The following SERPINB12 variants were observed in gnomAD, a reference collection of about 807,000 sequenced individuals.
SERPINB12 encodes serpin family B member 12.
In SERPINB12, 57 loss-of-function variants were observed where a neutral mutation model predicts 41.1. The ratio of observed to expected loss-of-function variants is 1.39; its 90% CI spans 1.12 to 1.73. SERPINB12 has a LOEUF of 1.73. Among genes scored for constraint, SERPINB12 ranks in the 40% most tolerant of loss-of-function variants. SERPINB12 has a pLI of 0.00. For synonymous variants in SERPINB12, 180 were observed against 181.3 expected, an observed-to-expected ratio of 0.99 and a Z score of 0.06; for missense variants, 536 against 501.9, an observed-to-expected ratio of 1.07 and a Z score of -0.65.
At chr18:63,521,424 G>A in the SERPINB12 span, among the ~76,000 whole-genome samples, 9 of 152,326 alleles carry the variant, frequency 5.9e-5, no homozygotes, top group South Asian at 1.9e-3. Flanking sequence ...CTGGTGACTA[G>A]GAGTCCGGGT....
rs562775384 is a variant in SERPINB12, at chr18:63,542,481, A to C, written c.-30A>C. On this transcript the variant is annotated 5_prime_UTR_variant, in exon 1 of 8. Coordinates refer to ENST00000382768, the MANE Select transcript of SERPINB12 (RefSeq NM_001307928.2). ...CAGACCTTAGCTGGGGACAGCCCTC[A>C]CTGGCTTCCAGGTATGTGCTGGGAG... Among the ~76,000 whole-genome samples, 1 of 152,108 alleles carries C rather than the reference A, an allele frequency of 6.6e-6. No individual in the cohort carries two copies. Among genetic ancestry groups the C allele is most frequent in the Non-Finnish European group, 1.5e-5 (1 of 68,016 alleles).
intron 1 of SERPINB12, among the ~76,000 whole-genome samples, chr18:63,554,402 G>T (rs1910609278): frequency 6.6e-6 from 1 of 152,160 alleles, no homozygotes; most frequent in African/African-American, 2.4e-5. Flanking sequence ...TTATCTTTTT[G>T]AATTAGGTTT....
At position 63,567,459 on chromosome 18, in the gene SERPINB12, GCT is replaced by G. The variant is rs1317695151; in HGVS notation, c.*451_*452del. Among the ~76,000 whole-genome samples, 3 of 152,144 alleles carry G rather than the reference GCT, an allele frequency of 2.0e-5. No homozygotes were observed. The highest frequency in any genetic ancestry group is 7.2e-5 in the African/African-American group (3 of 41,444). ...TGACCGGAACGTGTTTGGAAACTCA[GCT>G]CTGTTTCTGGGATAGTTATGATTGT... On this transcript the variant is annotated 3_prime_UTR_variant, in exon 8 of 8. Coordinates refer to ENST00000382768, the MANE Select transcript of SERPINB12 (RefSeq NM_001307928.2).
the SERPINB12 span, among the ~76,000 whole-genome samples, chr18:63,520,978 T>C: frequency 6.6e-6 from 1 of 152,182 alleles, no homozygotes; most frequent in Non-Finnish European, 1.5e-5. Context: ...TTTTTAAAGG[T>C]AAAATAAGGA....
At chr18:63,556,819 T>C (rs1026455353) in intron 2 of SERPINB12, among the ~76,000 whole-genome samples, 3 of 152,218 alleles carry the variant, frequency 2.0e-5, no homozygotes, top group Non-Finnish European at 2.9e-5. Flanking sequence ...TGGCTTTTCT[T>C]TTGAAAGATA....
chr18:63,560,914 C>T (rs1910882534), intron 4 of SERPINB12, among the ~76,000 whole-genome samples, 171 bp from the exon 5 acceptor site: 1 of 152,176 alleles, frequency 6.6e-6, no homozygotes, highest in South Asian at 2.1e-4. Context: ...ACTGAAATGT[C>T]TCTGGCTAGT....
chr18:63,544,978 T>C (rs1910352201), intron 1 of SERPINB12, among the ~76,000 whole-genome samples: 1 of 152,202 alleles, frequency 6.6e-6, no homozygotes, highest in Admixed American at 6.5e-5. Flanking sequence ...ATACTGCCTT[T>C]ATCAGTAGGG....
chr18:63,537,090 T>G, the SERPINB12 span, among the ~76,000 whole-genome samples: 47 of 152,306 alleles, frequency 3.1e-4, 1 homozygote, highest in South Asian at 7.0e-3. Context: ...TATAAAATAA[T>G]TAAATATGTT....
intron 7 of SERPINB12, 110 bp from the exon 8 acceptor site, chr18:63,566,497 C>G: frequency 1.1e-6 from 1 of 903,642 alleles, no homozygotes; most frequent in Non-Finnish European, 1.7e-6. Flanking sequence ...AGGGAAAGGT[C>G]TTGAAGGTTG....
intron 1 of SERPINB12, among the ~76,000 whole-genome samples, chr18:63,548,800 C>T (rs1910450632): frequency 6.6e-6 from 1 of 151,832 alleles, no homozygotes; most frequent in Non-Finnish European, 1.5e-5. Context: ...TTAAGAATGG[C>T]AATAATATCT....
chr18:63,567,001 G>T lies in SERPINB12; in HGVS notation c.1268G>T (p.Cys423Phe). Residue 423 changes from cysteine to phenylalanine, a missense_variant, in exon 8 of 8, where the codon TGC (cysteine) becomes TTC (phenylalanine). By Grantham distance (205) the Cys-to-Phe change is radical. Transcript: ENST00000382768. ...TQTILFYGRV[C>F]SP is the part of the protein sequence containing the mutation. ...ACCATTCTCTTTTATGGCAGGGTCT[G>T]CTCTCCTTAAAAGGGGAGCAGTGTC... 1 of 1,587,262 alleles carries T rather than the reference G, an allele frequency of 6.3e-7. No individual in the cohort carries two copies. Among genetic ancestry groups the T allele is most frequent in the Non-Finnish European group, 8.6e-7 (1 of 1,169,460 alleles).
At chr18:63,546,906 A>C (rs1337432790) in intron 1 of SERPINB12, among the ~76,000 whole-genome samples, 1 of 152,180 alleles carries the variant, frequency 6.6e-6, no homozygotes, top group Non-Finnish European at 1.5e-5. Flanking sequence ...TGTGGAGGGA[A>C]GCTTACCTGA....
chr18:63,558,011 A>G (rs544100205), intron 2 of SERPINB12, among the ~76,000 whole-genome samples: 11 of 152,298 alleles, frequency 7.2e-5, no homozygotes, highest in African/African-American at 1.9e-4. Flanking sequence ...TTATTTTTTT[A>G]TACTATATTC....
chr18:63,554,198 C>T lies in SERPINB12; in HGVS notation c.-18-1944C>T, dbSNP rs1282237494. 2.0e-5 allele frequency among the ~76,000 whole-genome samples: 3 copies of T among 152,138 alleles called. No individual in the cohort carries two copies. In the East Asian group the frequency reaches 5.8e-4, roughly 29 times the overall value. On this transcript the variant is annotated intron_variant, in intron 1 of 7. Transcript: ENST00000382768. ...TGATCACCTATCATCAGTTGAGGGG[C>T]AACTTAGAAACGATAGATACAGTAG... is the stretch of plus-strand genomic sequence containing the variant.
At chr18:63,549,036 T>C (rs549608734) in intron 1 of SERPINB12, among the ~76,000 whole-genome samples, 28 of 152,240 alleles carry the variant, frequency 1.8e-4, no homozygotes, top group South Asian at 1.3e-3. Context: ...AATATGATGT[T>C]AGTTTAAACA....
chr18:63,547,799 C>T (rs950761081), intron 1 of SERPINB12, among the ~76,000 whole-genome samples: 2 of 152,062 alleles, frequency 1.3e-5, no homozygotes, highest in African/African-American at 4.8e-5. Context: ...AGCTGATTCT[C>T]TTATGCAGAA....
At chr18:63,558,988 T>G (rs181405672) in intron 3 of SERPINB12, among the ~76,000 whole-genome samples, 16 of 86,034 alleles carry the variant, frequency 1.9e-4, no homozygotes, top group South Asian at 1.2e-3. Flanking sequence ...ATGATTGTCT[T>G]TCTTTCTTTC....
chr18:63,530,031 G>A, the SERPINB12 span, among the ~76,000 whole-genome samples: 1 of 152,160 alleles, frequency 6.6e-6, no homozygotes, highest in African/African-American at 2.4e-5. Flanking sequence ...CTAAGTCTGT[G>A]GAGGGGGTCT....
intron 2 of SERPINB12, among the ~76,000 whole-genome samples, chr18:63,556,588 C>T (rs548787499): frequency 2.0e-5 from 3 of 152,298 alleles, no homozygotes; most frequent in African/African-American, 7.2e-5. Flanking sequence ...TCATTCATCT[C>T]TATCTTTATC....
Sources: gnomAD v4.1 joint callset for allele counts (sites outside exome capture counted in the v4.1 genomes callset) on GRCh38, gnomAD v4.1.1 for gene constraint, MANE v1.5 for transcripts, NCBI Gene and HGNC (gene_info 2026-07-23, HGNC 2026-07-21) for gene names.